CEP85L: variants seen among roughly 807,000 people sequenced by gnomAD.
CEP85L encodes the protein centrosomal protein 85L.
CEP85L carries 60 observed loss-of-function variants against 100.3 expected under a neutral mutation model. That is an observed-to-expected ratio of 0.60 (90% CI 0.49 to 0.74). The LOEUF is 0.74. Ranked by LOEUF, CEP85L falls within the 30% of genes least tolerant of loss-of-function variation. The probability of loss-of-function intolerance (pLI) is 0.00; values close to 1 mark genes in which losing one functional copy is unlikely to be tolerated. For synonymous variants in CEP85L, 319 were observed against 322.7 expected (o/e 0.99, Z 0.12); for missense variants, 973 against 936.2 (o/e 1.04, Z -0.51).
At chr6:118,548,092 T>C (rs915964450) in intron 3 of CEP85L, among the ~76,000 whole-genome samples, 1 of 152,144 alleles carries the variant, frequency 6.6e-6, no homozygotes, top group African/African-American at 2.4e-5. Context: ...TTTTCATTTA[T>C]CTACCATATA....
chr6:118,558,882 C>A (rs774271388), intron 3 of CEP85L: 5 of 1,552,426 alleles, frequency 3.2e-6, no homozygotes, highest in Non-Finnish European at 4.4e-6. Context: ...ATCTTTCTCT[C>A]GACCACTTAA....
intron 11 of CEP85L, among the ~76,000 whole-genome samples, chr6:118,469,963 T>C (rs1352927850): frequency 6.6e-6 from 1 of 152,162 alleles, no homozygotes; most frequent in Non-Finnish European, 1.5e-5. Context: ...AAAGTAACTT[T>C]GAACCTCACT....
At chr6:118,652,158 G>A (rs1775608240), upstream of CEP85L, among the ~76,000 whole-genome samples, 1 of 152,130 alleles carries the variant, frequency 6.6e-6, no homozygotes, top group African/African-American at 2.4e-5. Flanking sequence ...GAAAAGGCCC[G>A]GGGGTAATTA....
chr6:118,622,940 A>G (rs1773547746), intron 2 of CEP85L, among the ~76,000 whole-genome samples: 1 of 152,174 alleles, frequency 6.6e-6, no homozygotes, highest in Non-Finnish European at 1.5e-5. Flanking sequence ...CCCCTCCAGG[A>G]GGTTAAGCCC....
intron 2 of CEP85L, among the ~76,000 whole-genome samples, chr6:118,616,742 C>T (rs200119157): frequency 1.3e-5 from 2 of 150,958 alleles, no homozygotes; most frequent in African/African-American, 4.9e-5. Flanking sequence ...GTCAGGAGTT[C>T]GAGACCAGCC....
At chr6:118,516,834 T>C (rs1776310544) in intron 4 of CEP85L, among the ~76,000 whole-genome samples, 1 of 152,250 alleles carries the variant, frequency 6.6e-6, no homozygotes, top group Admixed American at 6.5e-5. Flanking sequence ...GCCTATGTCC[T>C]GAATGGTACT....
intron 1 of CEP85L, among the ~76,000 whole-genome samples, chr6:118,680,180 C>A (rs955029767): frequency 2.0e-5 from 3 of 150,930 alleles, no homozygotes; most frequent in African/African-American, 4.9e-5. Context: ...GTAGTCCCAG[C>A]TACTTGGGAG....
chr6:118,539,700 C>T (rs1404820833), intron 3 of CEP85L, among the ~76,000 whole-genome samples: 6 of 152,068 alleles, frequency 3.9e-5, no homozygotes, highest in Admixed American at 1.3e-4. Flanking sequence ...AACCCATCAC[C>T]TAGGTATTAA....
At chr6:118,589,042 T>C (rs577898710) in intron 2 of CEP85L, 59 of 268,960 alleles carry the variant, frequency 2.2e-4, no homozygotes, top group African/African-American at 1.3e-3. Flanking sequence ...GGCTGCTTCG[T>C]CTCCGAGGTC....
rs1214880812 is a variant in CEP85L at position 118,632,434 on chromosome 6, A to C, written c.232+19T>G. On this transcript the variant is annotated intron_variant, in intron 2 of 12. Coordinates refer to ENST00000368491, the MANE Select transcript of CEP85L (RefSeq NM_001042475.3). The stretch of plus-strand genomic sequence containing the variant: ...ACTCTTCAAAGATTCATATATAAAC[A>C]ATAAGAATTTTAGCTCACCTTCCAC... 3 of 1,571,624 alleles carry C rather than the reference A, an allele frequency of 1.9e-6. No homozygotes were observed.
At chr6:118,533,358 A>G (rs558915543) in intron 3 of CEP85L, among the ~76,000 whole-genome samples, 5 of 152,200 alleles carry the variant, frequency 3.3e-5, no homozygotes, top group Non-Finnish European at 7.4e-5. Flanking sequence ...CACCAATTCA[A>G]TAACTTGAAT....
chr6:118,502,970 T>C, intron 5 of CEP85L: 1 of 281,516 alleles, frequency 3.6e-6, no homozygotes. Context: ...ATGTACATAC[T>C]TTTCCATTCT....
chr6:118,642,268 C>G (rs1774928137), intron 1 of CEP85L, among the ~76,000 whole-genome samples: 1 of 152,076 alleles, frequency 6.6e-6, no homozygotes, highest in African/African-American at 2.4e-5. Context: ...ATACCCTACC[C>G]TTTTTATGAA....
intron 5 of CEP85L, among the ~76,000 whole-genome samples, chr6:118,503,512 G>A (rs1033145900): frequency 2.0e-5 from 3 of 152,118 alleles, no homozygotes; most frequent in Non-Finnish European, 2.9e-5. Flanking sequence ...CAAAGTTGGA[G>A]TACTGACACT....
intron 2 of CEP85L, among the ~76,000 whole-genome samples, chr6:118,583,212 C>T (rs1027065410): frequency 9.9e-5 from 15 of 152,158 alleles, no homozygotes; most frequent in African/African-American, 3.6e-4. Context: ...CTTAAACCCC[C>T]GGCTCCAGCG....
At chr6:118,515,128 G>C (rs1415952412) in intron 4 of CEP85L, among the ~76,000 whole-genome samples, 1 of 152,066 alleles carries the variant, frequency 6.6e-6, no homozygotes, top group Non-Finnish European at 1.5e-5. Flanking sequence ...TGTTAGAGCA[G>C]AGAATATTGC....
intron 2 of CEP85L, among the ~76,000 whole-genome samples, chr6:118,607,235 C>T (rs1772286221): frequency 6.6e-6 from 1 of 152,076 alleles, no homozygotes; most frequent in South Asian, 2.1e-4. Flanking sequence ...AACACGTGGT[C>T]TCTGGGCAAG....
chr6:118,651,664 A>G (rs918419098), upstream of CEP85L: 4 of 844,404 alleles, frequency 4.7e-6, no homozygotes, highest in African/African-American at 7.0e-5. Context: ...CAATGACTTC[A>G]GGCGTGCGCG....
intron 5 of CEP85L, among the ~76,000 whole-genome samples, chr6:118,506,443 C>T (rs1775663958): frequency 6.6e-6 from 1 of 152,172 alleles, no homozygotes; most frequent in South Asian, 2.1e-4. Flanking sequence ...AGGAAGTGCA[C>T]TTCTCAAGGA....
Sources: gnomAD v4.1 joint callset for allele counts (sites outside exome capture counted in the v4.1 genomes callset) on GRCh38, gnomAD v4.1.1 for gene constraint, MANE v1.5 for transcripts, NCBI Gene and HGNC (gene_info 2026-07-23, HGNC 2026-07-21) for gene names.